The following ATP12A variants were observed in gnomAD, a reference collection of about 807,000 sequenced individuals.
ATP12A encodes potassium-transporting ATPase alpha chain 2.
Under a neutral mutation model 111.2 loss-of-function variants are expected in ATP12A, and 81 were observed. The ratio of observed to expected loss-of-function variants is 0.73; its 90% CI spans 0.61 to 0.88. The LOEUF is 0.88. Among genes scored for constraint, ATP12A ranks in the 40% least tolerant of loss-of-function variants. The probability of loss-of-function intolerance (pLI) is 0.00; values close to 1 mark genes in which losing one functional copy is unlikely to be tolerated. For missense variants in ATP12A, 1,196 were observed against 1,313.1 expected, an observed-to-expected ratio of 0.91 and a Z score of 1.38; for synonymous variants, 498 against 499.8, an observed-to-expected ratio of 1.00 and a Z score of 0.05.
intron 14 of ATP12A, among the ~76,000 whole-genome samples, chr13:24,702,422 G>A (rs1875434370): frequency 2.0e-5 from 3 of 152,194 alleles, no homozygotes; most frequent in Admixed American, 2.0e-4. Flanking sequence ...GCATAATTTG[G>A]AATCGTAAGA....
At position 24,710,560 on chromosome 13, in the gene ATP12A, G is replaced by A. The variant is rs143407024; in HGVS notation, c.2864G>A (p.Arg955Gln). ...GCAGATCTGATCATCAGGAAAACCC[G>A]GAGGAATTCCATCTTCCAGCAGGGT... ...QIADLIIRKT[R>Q]RNSIFQQGLF... Residue 955 changes from arginine (R) to glutamine (Q), a missense_variant, in exon 20 of 23, where the codon CGG (arginine) becomes CAG (glutamine). Physicochemically the swap from Arg to Gln is conservative, Grantham distance 43 (BLOSUM62 1). Transcript: ENST00000381946. The A allele has an allele frequency of 9.0e-5, 145 of 1,614,094 alleles. No individual in the cohort carries two copies. The highest frequency in any genetic ancestry group is 1.2e-4 in the Non-Finnish European group (137 of 1,180,048).
rs1555255704 is a variant in ATP12A at position 24,708,953 on chromosome 13, G to GAA, written c.2494-409_2494-408dup. ...AGAAAGAAAGAAAGAAAGAAAGAAA[G>GAA]AAAGAAAGAAGGAAAGAGAAAGAGA... On this transcript the variant is annotated intron_variant, in intron 17 of 22. Coordinates refer to ENST00000381946, the MANE Select transcript of ATP12A (RefSeq NM_001676.7). 5.2e-4 allele frequency among the ~76,000 whole-genome samples: 72 copies of GAA among 137,554 alleles called. 2 individuals are homozygous for GAA. Among genetic ancestry groups the GAA allele is most frequent in the African/African-American group, 1.9e-3 (70 of 37,462 alleles). 90.2% of individuals were successfully genotyped at this position (137,554 alleles called of 152,430 possible).
chr13:24,692,982 T>C, intron 10 of ATP12A, 86 bp downstream of exon 10: 1 of 1,282,670 alleles, frequency 7.8e-7, no homozygotes, highest in Non-Finnish European at 1.1e-6. Context: ...ATTTCATCTC[T>C]CCAGTTGCTT....
chr13:24,688,580 TG>T, intron 4 of ATP12A, 58 bp downstream of exon 4: 1 of 1,455,350 alleles, frequency 6.9e-7, no homozygotes. Context: ...AGTGAGGCCT[TG>T]GGGGCACAGC....
chr13:24,681,347 C>G (rs927705764), intron 1 of ATP12A, among the ~76,000 whole-genome samples: 2 of 152,106 alleles, frequency 1.3e-5, no homozygotes, highest in East Asian at 3.9e-4. Flanking sequence ...CTGTGCCCAC[C>G]CCGCCTCCCC....
rs756763178 is a variant in ATP12A, at chr13:24,690,477, G to A, written c.681+5G>A. On this transcript the variant is annotated splice_donor_5th_base_variant and intron_variant, in intron 6 of 22. Transcript: ENST00000381946. ...CTGTCTTCTCAGGGGTGTCGGGTAAGCGGCAAGGGGTATCCACCCCAAGGA... is the reference window on the plus strand; with the variant it reads ...CTGTCTTCTCAGGGGTGTCGGGTAAACGGCAAGGGGTATCCACCCCAAGGA... 1.2e-6 allele frequency: 2 copies of A among 1,613,700 alleles called. No individual in the cohort carries two copies. Among genetic ancestry groups the A allele is most frequent in the Non-Finnish European group, 1.7e-6 (2 of 1,179,856 alleles).
chr13:24,686,889 C>T (rs961410882), intron 3 of ATP12A, among the ~76,000 whole-genome samples: 3 of 151,670 alleles, frequency 2.0e-5, no homozygotes, highest in African/African-American at 4.8e-5. Flanking sequence ...GAGAGCCGGT[C>T]GGGTGATGGG....
rs565828076 is a variant in ATP12A at position 24,684,753 on chromosome 13, C to T, written c.169-561C>T. On this transcript the variant is annotated intron_variant, in intron 2 of 22. Transcript: ENST00000381946. Reference sequence around the variant, plus strand: ...TGTAGCAGAATTCACAAGTGGCAGCCACAATGCTGTGGGTTTATTCAGCAG... The same window carrying T: ...TGTAGCAGAATTCACAAGTGGCAGCTACAATGCTGTGGGTTTATTCAGCAG... Among the ~76,000 whole-genome samples the T allele has an allele frequency of 6.0e-4, 92 of 152,348 alleles. 2 individuals carry two copies. The South Asian group carries it at 0.019, about 31-fold the overall frequency.
chr13:24,698,655 C>T lies in ATP12A; in HGVS notation c.1513-3C>T, dbSNP rs371330545. On this transcript the variant is annotated splice_polypyrimidine_tract_variant and splice_region_variant and intron_variant, in intron 11 of 22. Transcript: ENST00000381946. ...GTAACACGCTCAGTTCATTCCTTCC[C>T]AGCTCTCCATCCACGAGATGGATGA... is the stretch of plus-strand genomic sequence containing the variant. 12 of 1,612,788 alleles carry T rather than the reference C, an allele frequency of 7.4e-6. No individual in the cohort carries two copies. Among genetic ancestry groups the T allele is most frequent in the African/African-American group, 6.7e-5 (5 of 75,050 alleles).
chr13:24,690,963 G>T lies in ATP12A; in HGVS notation c.800-19G>T. 6.2e-7 allele frequency: 1 copy of T among 1,612,876 alleles called. No homozygotes were observed. The highest frequency in any genetic ancestry group is 8.5e-7 in the Non-Finnish European group (1 of 1,178,914). On this transcript the variant is annotated intron_variant, in intron 7 of 22. Transcript: ENST00000381946. ...CCTGGCTGAGGACCCCTGGAATAAA[G>T]CATCTACTTCCCCTGTAGGCACTGT...
In ATP12A at chr13:24,707,322, C is replaced by A; in HGVS notation, c.2382C>A (p.Ser794=). 1 of 1,614,228 alleles carries A rather than the reference C, an allele frequency of 6.2e-7. No individual in the cohort carries two copies. The highest frequency in any genetic ancestry group is 1.1e-5 in the South Asian group (1 of 91,086). Residue 794 remains serine, a synonymous_variant, in exon 17 of 23, where the codon TCC becomes TCA. Transcript: ENST00000381946. ...FDNLKKTIAY[S]LTKNIAELCP... is the part of the protein sequence containing the mutation. ...ACCTCAAGAAGACTATTGCTTATTC[C>A]CTGACCAAGAACATTGCCGAGCTGT...
chr13:24,710,477 A>G lies in ATP12A; in HGVS notation c.2781A>G (p.Glu927=), dbSNP rs776494713. 1.9e-6 allele frequency: 3 copies of G among 1,614,178 alleles called. No individual in the cohort carries two copies. The East Asian group carries it at 6.7e-5, about 36-fold the overall frequency. The change falls in exon 20 of 23, where the codon GAA becomes GAG. Residue 927 remains glutamate, a synonymous_variant. Transcript: ENST00000381946. Reference sequence around the variant, plus strand: ...ATTAACAGACAAGGTACCAGAGGGAATACCTAGAATGGACGGGCTACACGG... The same window carrying G: ...ATTAACAGACAAGGTACCAGAGGGAGTACCTAGAATGGACGGGCTACACGG... The part of the protein sequence containing the change: ...YGQEWTRYQR[E]YLEWTGYTAF...
Position 24,688,427 on chromosome 13 carries a change from G to T in ATP12A, c.337G>T (p.Gly113Trp), listed in dbSNP as rs962636909. ...EIVKFLKQMVGGFSILLWVGA... is the reference protein window; with the variant it reads ...EIVKFLKQMVWGFSILLWVGA... The stretch of plus-strand genomic sequence containing the variant: ...CGTCAAGTTCCTCAAGCAGATGGTG[G>T]GGGGGTTCTCTATCCTCCTGTGGGT... Residue 113 changes from glycine to tryptophan, a missense_variant, in exon 4 of 23, where the codon GGG (glycine) becomes TGG (tryptophan). By Grantham distance (184) the Gly-to-Trp change is radical. Around this residue, in one of 3 missense-constraint regions of ATP12A, gnomAD observed 1,126 missense variants for 1,228.5 expected, o/e 0.92. Transcript: ENST00000381946. 1.2e-6 allele frequency: 2 copies of T among 1,613,990 alleles called. No homozygotes were observed. The highest frequency in any genetic ancestry group is 3.3e-5 in the Admixed American group (2 of 59,996).
Position 24,680,531 on chromosome 13 carries a change from C to A in ATP12A, c.-213C>A. The stretch of plus-strand genomic sequence containing the variant: ...CTGGCGGGGACGTGGGCGGGGCGGG[C>A]GGCATTTAAGGCTGGTGCCACCTCC... On this transcript the variant is annotated 5_prime_UTR_variant, in exon 1 of 23. Transcript: ENST00000381946. The A allele has an allele frequency of 4.0e-6, 2 of 505,324 alleles. No homozygotes were observed. The highest frequency in any genetic ancestry group is 6.7e-6 in the Non-Finnish European group (2 of 299,200). The allele number at this position is 505,324 out of a possible 1,614,324, so 31.3% of individuals were successfully genotyped here.
At chr13:24,702,385 G>A (rs1286079912) in intron 14 of ATP12A, among the ~76,000 whole-genome samples, 2 of 152,260 alleles carry the variant, frequency 1.3e-5, no homozygotes, top group Non-Finnish European at 2.9e-5. Context: ...AAGGGTTTAT[G>A]TGAAATTACT....
chr13:24,709,366 C>G lies in ATP12A; in HGVS notation c.2496C>G (p.Ile832Met). ...ILFIDLGTDI[I>M]PSIALAYEKA... ...CTCACCAGCCTCTTCCCCTCTAGAT[C>G]CCCTCCATTGCCTTGGCGTACGAGA... is the stretch of plus-strand genomic sequence containing the variant. Residue 832 changes from isoleucine to methionine, a missense_variant and splice_region_variant, in exon 18 of 23, where the codon ATC becomes ATG. Physicochemically the swap from Ile to Met is conservative, Grantham distance 10 (BLOSUM62 1). Around this residue, in one of 3 missense-constraint regions of ATP12A, gnomAD observed 1,126 missense variants for 1,228.5 expected, o/e 0.92. Transcript: ENST00000381946. 1 of 1,487,280 alleles carries G rather than the reference C, an allele frequency of 6.7e-7. No individual in the cohort carries two copies. The highest frequency in any genetic ancestry group is 9.1e-7 in the Non-Finnish European group (1 of 1,099,226). The allele number at this position is 1,487,280 out of a possible 1,614,324, so 92.1% of individuals were successfully genotyped here.
At chr13:24,692,678 G>A in intron 9 of ATP12A, 51 bp downstream of exon 9, 1 of 1,599,556 alleles carries the variant, frequency 6.3e-7, no homozygotes, top group Middle Eastern at 1.7e-4. Context: ...CTCCATCCTG[G>A]GGCTGAGCTG....
At chr13:24,684,155 T>C (rs1323346002) in intron 2 of ATP12A, among the ~76,000 whole-genome samples, 1 of 151,964 alleles carries the variant, frequency 6.6e-6, no homozygotes, top group Non-Finnish European at 1.5e-5. Flanking sequence ...CCACTACTTG[T>C]ATCTGCCCAA....
intron 18 of ATP12A, 82 bp downstream of exon 18, chr13:24,709,569 T>C: frequency 1.9e-6 from 3 of 1,593,214 alleles, no homozygotes; most frequent in Non-Finnish European, 2.6e-6. Context: ...CCAGAAAGTG[T>C]GGTTTTCCTG....
Sources: allele counts gnomAD v4.1 joint callset (sites outside exome capture counted in the v4.1 genomes callset), GRCh38; gene constraint gnomAD v4.1.1; regional missense constraint gnomAD v4.1.1; transcripts MANE v1.5; gene names NCBI Gene and HGNC (gene_info 2026-07-23, HGNC 2026-07-21).